SLC7A4: variants seen among roughly 807,000 people sequenced by gnomAD.
SLC7A4 encodes cationic amino acid transporter 4.
Under a neutral mutation model 37.8 loss-of-function variants are expected in SLC7A4, and 30 were observed. That is an observed-to-expected ratio of 0.79 (90% CI 0.59 to 1.08). The LOEUF (loss-of-function observed/expected upper bound fraction) is 1.08. SLC7A4 is among the 50% of genes least tolerant of loss of function. The probability of loss-of-function intolerance (pLI) is 0.00; values close to 1 mark genes in which losing one functional copy is unlikely to be tolerated. For missense variants in SLC7A4, 839 were observed against 843.2 expected (o/e 1.00, Z 0.06); for synonymous variants, 359 against 376.5 (o/e 0.95, Z 0.54).
chr22:21,029,499 G>T, intron 3 of SLC7A4, 55 bp from the exon 4 acceptor site: 1 of 1,389,886 alleles, frequency 7.2e-7, no homozygotes, highest in Non-Finnish European at 1.0e-6. Flanking sequence ...AGATCTGCCA[G>T]CCCAGGGCTC....
At chr22:21,029,296 C>T in intron 4 of SLC7A4, 40 bp downstream of exon 4, 1 of 1,611,652 alleles carries the variant, frequency 6.2e-7, no homozygotes, top group South Asian at 1.1e-5. Context: ...GTCCTCTTTG[C>T]CCTCCTCCTG....
In SLC7A4 at chr22:21,029,413, C is replaced by A. The variant is rs565383814; in HGVS notation, c.1655G>T (p.Ser552Ile). Residue 552 changes from serine (S) to isoleucine (I), a missense_variant, in exon 4 of 5, where the codon AGC becomes ATC. Ser to Ile is a moderately radical substitution (Grantham distance 142, BLOSUM62 -2). Transcript: ENST00000382932. ...IPMVPLIPAL[S>I]IVLNICLMLK... ...CATGAGGCAGATGTTGAGGACGATG[C>A]TCAGGGCTGGAATCAGGGGAACCAT... 2.5e-6 allele frequency: 4 copies of A among 1,613,640 alleles called. No homozygotes were observed. Among genetic ancestry groups the A allele is most frequent in the African/African-American group, 1.3e-5 (1 of 75,024 alleles).
intron 1 of SLC7A4, 126 bp from the exon 2 acceptor site, chr22:21,031,978 G>C: frequency 1.8e-6 from 1 of 564,014 alleles, no homozygotes; most frequent in Non-Finnish European, 2.7e-6. Context: ...ACCCTCACCA[G>C]GGGCCTGCTG....
rs559858334 is a variant in SLC7A4 at position 21,028,936 on chromosome 22, C to G, written c.*119G>C. ...GAAGGTCCTAAGGTCCTGAGGACTC[C>G]CCAGCCTGTGCAGGCCTGCAAACCC... On this transcript the variant is annotated 3_prime_UTR_variant, in exon 5 of 5. Transcript: ENST00000382932. The G allele has an allele frequency of 1.3e-4, 146 of 1,101,010 alleles. No individual in the cohort carries two copies. In the South Asian group the frequency reaches 2.1e-3, roughly 16 times the overall value. 68.2% of individuals were successfully genotyped at this position (1,101,010 alleles called of 1,614,324 possible). A position where few individuals can be genotyped will look rare whatever the true frequency, so the allele number is the denominator to read the frequency against.
In SLC7A4 at chr22:21,030,257, A is replaced by G. The variant is rs145709140; in HGVS notation, c.1077T>C (p.His359=). 8.4e-5 allele frequency: 135 copies of G among 1,613,846 alleles called. No individual in the cohort carries two copies. In the African/African-American group the frequency reaches 1.7e-3, roughly 20 times the overall value. The change falls in exon 3 of 5, where the codon CAT becomes CAC. Residue 359 remains histidine (H), a synonymous_variant. Coordinates refer to ENST00000382932, the MANE Select transcript of SLC7A4 (RefSeq NM_004173.3). Reference sequence around the variant, plus strand: ...CAGGCACCTGTGTCCGGGGGTGCACATGGGCAAACACCTGGAAGAAGAGCC... The same window carrying G: ...CAGGCACCTGTGTCCGGGGGTGCACGTGGGCAAACACCTGGAAGAAGAGCC... ...ADGLFFQVFA[H]VHPRTQVPVA... is the part of the protein sequence containing the mutation.
In SLC7A4 at chr22:21,031,504, G is replaced by C; in HGVS notation, c.309C>G (p.Tyr103Ter). The change falls in exon 2 of 5, where the codon TAC becomes TAG. Residue 103 changes from tyrosine to a stop codon, truncating the protein, a stop_gained. Transcript: ENST00000382932. LOFTEE classifies it high-confidence loss of function. ...CGCCCATGGATACGTAGGTGAACAG[G>C]TAGGCAGAGCCCGTGCGTGGCACAC... ...GARVPRTGSA[Y>*]LFTYVSMGEL... 1 of 1,610,622 alleles carries C rather than the reference G, an allele frequency of 6.2e-7. No homozygotes were observed. The highest frequency in any genetic ancestry group is 8.5e-7 in the Non-Finnish European group (1 of 1,178,720).
rs781148321 is a variant in SLC7A4 at position 21,029,749 on chromosome 22, C to G, written c.1585G>C (p.Gly529Arg). The part of the protein sequence containing the change: ...VMFLLSLLVL[G>R]AHQQQYREDL... The stretch of plus-strand genomic sequence containing the variant: ...TCCCGATACTGTTGCTGGTGAGCCC[C>G]CAGGACAAGGAGGCTGAGCAGAAAC... Residue 529 changes from glycine to arginine, a missense_variant, in exon 3 of 5, where the codon GGG (glycine) becomes CGG (arginine). Transcript: ENST00000382932. The G allele has an allele frequency of 1.5e-5, 24 of 1,612,944 alleles. No homozygotes were observed. In the African/African-American group the frequency reaches 3.2e-4, roughly 22 times the overall value.
In SLC7A4 at chr22:21,028,770, G is replaced by A. The variant is rs577407403; in HGVS notation, c.*285C>T. 5.5e-6 allele frequency: 2 copies of A among 362,742 alleles called. No homozygotes were observed. The highest frequency in any genetic ancestry group is 9.9e-6 in the Non-Finnish European group (2 of 202,154). The allele number at this position is 362,742 out of a possible 1,614,324, so 22.5% of individuals were successfully genotyped here. A position where few individuals can be genotyped will look rare whatever the true frequency, so the allele number is the denominator to read the frequency against. ...AGCAATTATTATTATGGATCCCTTG[G>A]GCTGTGGGCCTTCCCATCCACCCCA... On this transcript the variant is annotated 3_prime_UTR_variant, in exon 5 of 5. Transcript: ENST00000382932.
chr22:21,032,109 C>CTGAG (rs1030127655), intron 1 of SLC7A4, among the ~76,000 whole-genome samples: 1 of 140,652 alleles, frequency 7.1e-6, no homozygotes, highest in African/African-American at 2.6e-5. Context: ...CTCACCCGCT[C>CTGAG]GGTGGCCCTG....
Position 21,030,317 on chromosome 22 carries a change from G to A in SLC7A4, c.1017C>T (p.Ser339=). 1 of 1,611,396 alleles carries A rather than the reference G, an allele frequency of 6.2e-7. No individual in the cohort carries two copies. Among genetic ancestry groups the A allele is most frequent in the Non-Finnish European group, 8.5e-7 (1 of 1,178,364 alleles). The stretch of plus-strand genomic sequence containing the variant: ...CCATGGCATAGACAATGCGTGGCAG[G>A]GAGAAGAGGAGGCTGAGCAGGACGG... ...MNTVLLSLLF[S]LPRIVYAMAA... Residue 339 remains serine, a synonymous_variant, in exon 3 of 5, where the codon TCC becomes TCT. Transcript: ENST00000382932.
At chr22:21,029,284 C>T (rs1387730464) in intron 4 of SLC7A4, 52 bp downstream of exon 4, 1 of 1,612,228 alleles carries the variant, frequency 6.2e-7, no homozygotes, top group Non-Finnish European at 8.5e-7. Flanking sequence ...CCAGCCCTTC[C>T]TGTCCTCTTT....
rs1928849750 is a variant in SLC7A4, at chr22:21,030,471, G to C, written c.983-120C>G. On this transcript the variant is annotated intron_variant, in intron 2 of 4. Coordinates refer to ENST00000382932, the MANE Select transcript of SLC7A4 (RefSeq NM_004173.3). ...GGGCATGAGCTTGTCTGGGCTCTCAGAGTAAGCATGAGTTTGTGTAGGAGT... is the reference window on the plus strand; with the variant it reads ...GGGCATGAGCTTGTCTGGGCTCTCACAGTAAGCATGAGTTTGTGTAGGAGT... 5.0e-6 allele frequency: 5 copies of C among 1,008,868 alleles called. No individual in the cohort carries two copies. The South Asian group carries it at 6.7e-5, about 13-fold the overall frequency. The allele number at this position is 1,008,868 out of a possible 1,614,324, so 62.5% of individuals were successfully genotyped here.
chr22:21,031,927 A>C, intron 1 of SLC7A4, 75 bp from the exon 2 acceptor site: 1 of 1,063,278 alleles, frequency 9.4e-7, no homozygotes, highest in Non-Finnish European at 1.2e-6. Flanking sequence ...TGGTCTGACC[A>C]CCCCCAGTCC....
chr22:21,031,978 G>GCAGGCCCCTGGTGA, intron 1 of SLC7A4, 126 bp from the exon 2 acceptor site: 1 of 564,012 alleles, frequency 1.8e-6, no homozygotes, highest in Non-Finnish European at 2.7e-6. Flanking sequence ...ACCCTCACCA[G>GCAGGCCCCTGGTGA]GGGCCTGCTG....
rs779718553 is a variant in SLC7A4, at chr22:21,029,970, G to A, written c.1364C>T (p.Pro455Leu). The A allele has an allele frequency of 1.2e-6, 2 of 1,613,944 alleles. No individual in the cohort carries two copies. The highest frequency in any genetic ancestry group is 1.7e-6 in the Non-Finnish European group (2 of 1,180,008). Reference sequence around the variant, plus strand: ...CCTCAGGGCTGGCTTCAGCTCCCCTGGCTCAGGGACGGAGGCGTGTACAGT... The same window carrying A: ...CCTCAGGGCTGGCTTCAGCTCCCCTAGCTCAGGGACGGAGGCGTGTACAGT... ...VGTVHASVPE[P>L]GELKPALRPY... Residue 455 changes from proline to leucine, a missense_variant, in exon 3 of 5, where the codon CCA (proline) becomes CTA (leucine). Coordinates refer to ENST00000382932, the MANE Select transcript of SLC7A4 (RefSeq NM_004173.3).
At chr22:21,032,048 G>A (rs1928906067) in intron 1 of SLC7A4, among the ~76,000 whole-genome samples, 196 bp from the exon 2 acceptor site, 1 of 152,240 alleles carries the variant, frequency 6.6e-6, no homozygotes, top group Non-Finnish European at 1.5e-5. Flanking sequence ...GAAGCCTGGA[G>A]GCCCTGTCTG....
rs145738590 is a variant in SLC7A4, at chr22:21,031,618, C to T, written c.195G>A (p.Glu65=). Residue 65 remains glutamate, a synonymous_variant, in exon 2 of 5, where the codon GAG becomes GAA. Transcript: ENST00000382932. ...ACAAGAGCACAGCAGGGCCAGCCAC[C>T]TCCTTGGCCACGGCACCTGTGAGCA... ...LYVLTGAVAK[E]VAGPAVLLSF... is the part of the protein sequence containing the mutation. 4.5e-4 allele frequency: 727 copies of T among 1,607,888 alleles called. 3 individuals carry two copies. The Middle Eastern group carries it at 7.0e-3, about 15-fold the overall frequency.
intron 1 of SLC7A4, 102 bp from the exon 2 acceptor site, chr22:21,031,954 C>G (rs1379160580): frequency 1.3e-6 from 1 of 769,056 alleles, no homozygotes; most frequent in Non-Finnish European, 1.8e-6. Context: ...TGTCCCTGAC[C>G]TGGGGACCTG....
At position 21,030,247 on chromosome 22, in the gene SLC7A4, G is replaced by A. The variant is rs1005983464; in HGVS notation, c.1087C>T (p.Arg363Trp). 10 of 1,613,856 alleles carry A rather than the reference G, an allele frequency of 6.2e-6. No individual in the cohort carries two copies. Among genetic ancestry groups the A allele is most frequent in the East Asian group, 4.5e-5 (2 of 44,872 alleles). ...FFQVFAHVHP[R>W]TQVPVAGTLA... The stretch of plus-strand genomic sequence containing the variant: ...GTGCCCGCCACAGGCACCTGTGTCC[G>A]GGGGTGCACATGGGCAAACACCTGG... The change falls in exon 3 of 5, where the codon CGG becomes TGG. Residue 363 changes from arginine (R) to tryptophan (W), a missense_variant. Physicochemically the swap from Arg to Trp is moderately radical, Grantham distance 101. Transcript: ENST00000382932.
Sources: allele counts gnomAD v4.1 joint callset (sites outside exome capture counted in the v4.1 genomes callset), GRCh38; gene constraint gnomAD v4.1.1; transcripts MANE v1.5; gene names NCBI Gene and HGNC (gene_info 2026-07-23, HGNC 2026-07-21).